GLOD4: variants seen among roughly 807,000 people sequenced by gnomAD.
The protein encoded by GLOD4 is glyoxalase domain containing 4.
Under a neutral mutation model 39.1 loss-of-function variants are expected in GLOD4, and 44 were observed. That is an observed-to-expected ratio of 1.13 (90% confidence interval 0.88 to 1.45). The LOEUF is 1.45. Ranked by LOEUF, GLOD4 falls within the 40% of genes most tolerant of loss-of-function variation. The pLI is 0.00. For missense variants in GLOD4, 405 were observed against 366.4 expected, an observed-to-expected ratio of 1.11 and a Z score of -0.86; for synonymous variants, 145 against 135.0, an observed-to-expected ratio of 1.07 and a Z score of -0.52.
At chr17:773,945 C>A (rs2144405372) in intron 4 of GLOD4, among the ~76,000 whole-genome samples, 2 of 152,250 alleles carry the variant, frequency 1.3e-5, no homozygotes, top group South Asian at 4.1e-4. Flanking sequence ...ACATTGTCAA[C>A]CAGAAATGCC....
chr17:763,577 A>G (rs916352797), intron 8 of GLOD4: 2 of 152,166 alleles, frequency 1.3e-5, no homozygotes, highest in African/African-American at 4.8e-5. Flanking sequence ...ATATAGTAGC[A>G]TTTATTTCTT....
upstream of GLOD4, chr17:783,120 GA>G (rs764168216): frequency 1.2e-6 from 2 of 1,613,856 alleles, no homozygotes; most frequent in Non-Finnish European, 8.5e-7. Flanking sequence ...GCCATTTCGG[GA>G]AAAACAAGGG....
At chr17:782,725 C>T (rs767431443), upstream of GLOD4, 23 of 1,562,316 alleles carry the variant, frequency 1.5e-5, no homozygotes, top group Non-Finnish European at 1.8e-5. Flanking sequence ...CGAATGTTCT[C>T]GTTTCCCTTC....
rs1905146060 is a variant in GLOD4, at chr17:759,633, TGA to T, written c.*538_*539del. 2 of 152,664 alleles carry T rather than the reference TGA, an allele frequency of 1.3e-5. No homozygotes were observed. Among genetic ancestry groups the T allele is most frequent in the Admixed American group, 1.3e-4 (2 of 15,366 alleles). 9.5% of individuals were successfully genotyped at this position (152,664 alleles called of 1,614,324 possible). ...CTGTTTCCTCTGGACACTCAAAATG[TGA>T]AAGCAAGTAAGAGGGGGGTGGTTAA... On this transcript the variant is annotated 3_prime_UTR_variant, in exon 9 of 9. Coordinates refer to ENST00000301329, the MANE Select transcript of GLOD4 (RefSeq NM_016080.4).
intron 8 of GLOD4, among the ~76,000 whole-genome samples, chr17:762,138 C>G (rs1387792632): frequency 6.6e-6 from 1 of 152,102 alleles, no homozygotes; most frequent in Non-Finnish European, 1.5e-5. Flanking sequence ...AGCTGATAGG[C>G]AGAAGACATT....
At position 776,978 on chromosome 17, in the gene GLOD4, C is replaced by T; in HGVS notation, c.151G>A (p.Gly51Arg). 6.2e-7 allele frequency: 1 copy of T among 1,609,546 alleles called. No individual in the cohort carries two copies. Among genetic ancestry groups the T allele is most frequent in the Non-Finnish European group, 8.5e-7 (1 of 1,175,848 alleles). Residue 51 changes from glycine (G) to arginine (R), a missense_variant, in exon 3 of 9, where the codon GGG (glycine) becomes AGG (arginine). Physicochemically the swap from Gly to Arg is moderately radical, Grantham distance 125. Coordinates refer to ENST00000301329, the MANE Select transcript of GLOD4 (RefSeq NM_016080.4). ...CKAACNGPYD[G>R]KWSKTMVGFG... Reference sequence around the variant, plus strand: ...CCCACCATTGTTTTACTCCATTTCCCATCATAAGGCCTAGAAAATAAAAGT... The same window carrying T: ...CCCACCATTGTTTTACTCCATTTCCTATCATAAGGCCTAGAAAATAAAAGT...
chr17:769,362 G>T (rs1206930782), intron 8 of GLOD4, among the ~76,000 whole-genome samples: 1 of 150,372 alleles, frequency 6.7e-6, no homozygotes, highest in African/African-American at 2.5e-5. Context: ...GAGCTGAGGG[G>T]AACGGATGGA....
intron 8 of GLOD4, among the ~76,000 whole-genome samples, chr17:761,576 C>A (rs928931924): frequency 1.3e-4 from 20 of 152,204 alleles, no homozygotes; most frequent in Non-Finnish European, 1.2e-4. Context: ...GCCATCTCGG[C>A]TCACTGCAAC....
intron 1 of GLOD4, chr17:780,545 C>A (rs1348294769): frequency 1.3e-5 from 2 of 152,158 alleles, no homozygotes; most frequent in Non-Finnish European, 2.9e-5. Flanking sequence ...CAACTCGAAT[C>A]CTGGCTAACA....
intron 4 of GLOD4, among the ~76,000 whole-genome samples, chr17:774,284 A>G (rs1908504511): frequency 6.6e-6 from 1 of 152,220 alleles, no homozygotes; most frequent in Non-Finnish European, 1.5e-5. Context: ...CTACAGACTC[A>G]GCATGGGGGC....
intron 2 of GLOD4, 132 bp from the exon 3 acceptor site, chr17:777,120 C>G: frequency 1.3e-6 from 1 of 791,326 alleles, no homozygotes; most frequent in South Asian, 1.6e-5. Flanking sequence ...ATGAGATGAC[C>G]TCAGATGGTA....
chr17:765,506 G>A (rs1210651909), intron 8 of GLOD4, among the ~76,000 whole-genome samples: 7 of 150,278 alleles, frequency 4.7e-5, no homozygotes, highest in African/African-American at 1.7e-4. Context: ...AGAGGTGCCC[G>A]TGTCTGAGGA....
chr17:766,637 C>G (rs1365278879), intron 8 of GLOD4, among the ~76,000 whole-genome samples: 1 of 152,124 alleles, frequency 6.6e-6, no homozygotes, highest in East Asian at 1.9e-4. Flanking sequence ...CAGTGGCTCA[C>G]ACCTGTAATC....
chr17:767,457 T>C (rs758848198), intron 8 of GLOD4, among the ~76,000 whole-genome samples: 1 of 151,924 alleles, frequency 6.6e-6, no homozygotes, highest in African/African-American at 2.4e-5. Flanking sequence ...AGAGAAACAG[T>C]GCACACTCAG....
At chr17:774,342 C>G (rs1437588549) in intron 4 of GLOD4, among the ~76,000 whole-genome samples, 1 of 152,228 alleles carries the variant, frequency 6.6e-6, no homozygotes, top group African/African-American at 2.4e-5. Context: ...TTCCAGGACT[C>G]CCTTCTCAGG....
At chr17:784,804 A>G (rs1403653448), upstream of GLOD4, among the ~76,000 whole-genome samples, 1 of 152,158 alleles carries the variant, frequency 6.6e-6, no homozygotes, top group African/African-American at 2.4e-5. Context: ...AAGTAGAAGT[A>G]AAGGACTTCT....
At chr17:761,673 T>G (rs1214845275) in intron 8 of GLOD4, among the ~76,000 whole-genome samples, 2 of 152,098 alleles carry the variant, frequency 1.3e-5, no homozygotes, top group Non-Finnish European at 2.9e-5. Flanking sequence ...CCTGGCTAAT[T>G]TTTTGTGTTT....
chr17:779,681 G>C (rs1235280825), intron 1 of GLOD4, among the ~76,000 whole-genome samples: 7 of 151,802 alleles, frequency 4.6e-5, no homozygotes, highest in African/African-American at 1.7e-4. Flanking sequence ...TCATTTAGTA[G>C]TTGTGTAACT....
chr17:778,607 C>A (rs139568005), intron 2 of GLOD4, 88 bp downstream of exon 2: 1 of 848,354 alleles, frequency 1.2e-6, no homozygotes, highest in African/African-American at 1.7e-5. Flanking sequence ...ATTAATTCCA[C>A]TGCTTTATAC....
Sources: gnomAD v4.1 joint callset for allele counts (sites outside exome capture counted in the v4.1 genomes callset) on GRCh38, gnomAD v4.1.1 for gene constraint, MANE v1.5 for transcripts, NCBI Gene and HGNC (gene_info 2026-07-23, HGNC 2026-07-21) for gene names.